Variants in SPECC1 observed in about 807,000 individuals in gnomAD.
SPECC1 encodes the protein sperm antigen with calponin homology and coiled-coil domains 1, also known as cytospin-B.
SPECC1 carries 62 observed loss-of-function variants against 104.1 expected under a neutral mutation model. That is an observed-to-expected ratio of 0.60 (90% CI 0.49 to 0.74). The LOEUF (loss-of-function observed/expected upper bound fraction) is 0.74. Among genes scored for constraint, SPECC1 ranks in the 30% least tolerant of loss-of-function variants. The probability of loss-of-function intolerance (pLI) is 0.00; values close to 1 mark genes in which losing one functional copy is unlikely to be tolerated. For missense variants in SPECC1, 1,306 were observed against 1,310.5 expected (o/e 1.00, Z 0.05); for synonymous variants, 513 against 501.6 (o/e 1.02, Z -0.30).
chr17:20,145,147 G>T (rs551006529), intron 3 of SPECC1, among the ~76,000 whole-genome samples: 1 of 152,198 alleles, frequency 6.6e-6, no homozygotes, highest in African/African-American at 2.4e-5. Flanking sequence ...TGGAGACAAA[G>T]TGGTTTAGTG....
At chr17:20,157,101 G>A (rs2032648782) in intron 3 of SPECC1, among the ~76,000 whole-genome samples, 1 of 152,164 alleles carries the variant, frequency 6.6e-6, no homozygotes, top group Non-Finnish European at 1.5e-5. Context: ...GGCTCTGAGA[G>A]GTGAAGCGAC....
At chr17:20,251,087 C>T (rs1247377715) in intron 9 of SPECC1, among the ~76,000 whole-genome samples, 4 of 151,578 alleles carry the variant, frequency 2.6e-5, no homozygotes, top group South Asian at 2.1e-4. Context: ...ATTAGCTGGG[C>T]GTGGTGGTGC....
At chr17:20,057,522 C>G (rs78119040) in intron 1 of SPECC1, among the ~76,000 whole-genome samples, 117 of 152,264 alleles carry the variant, frequency 7.7e-4, no homozygotes, top group Non-Finnish European at 6.0e-4. Context: ...GAGACAGGGT[C>G]TCTCTCTGTC....
chr17:20,215,848 TAGG>T (rs969012154), intron 4 of SPECC1, among the ~76,000 whole-genome samples: 10 of 152,212 alleles, frequency 6.6e-5, no homozygotes, highest in African/African-American at 9.6e-5. Context: ...CTGCTTTGTG[TAGG>T]AGAAGAGCTT....
At chr17:20,021,691 TATATATA>T (rs1274831058) in intron 1 of SPECC1, among the ~76,000 whole-genome samples, 4,513 of 122,242 alleles carry the variant, frequency 0.037, 203 homozygotes, top group African/African-American at 0.13. Flanking sequence ...ATAATATATA[TATATATA>T]TATATTTTTT....
rs116050806 is a variant in SPECC1, at chr17:20,105,007, G to A, written c.148-5420G>A. Among the ~76,000 whole-genome samples the A allele has an allele frequency of 8.3e-3, 1,262 of 152,086 alleles. 22 individuals are homozygous for A. The highest frequency in any genetic ancestry group is 0.028 in the African/African-American group (1,165 of 41,454). On this transcript the variant is annotated intron_variant, in intron 2 of 14. Transcript: ENST00000395527. ...GCAATGATGATGTTGAAGATGATGAGAGCCTCCAACATTTATGTTCTTAAT... is the reference window on the plus strand; with the variant it reads ...GCAATGATGATGTTGAAGATGATGAAAGCCTCCAACATTTATGTTCTTAAT...
chr17:20,231,769 A>G lies in SPECC1; in HGVS notation c.2083A>G (p.Lys695Glu). Residue 695 changes from lysine to glutamate, a missense_variant, in exon 6 of 15, where the codon AAG (lysine) becomes GAG (glutamate). Physicochemically the swap from Lys to Glu is moderately conservative, Grantham distance 56. Coordinates refer to ENST00000395527, the MANE Select transcript of SPECC1 (RefSeq NM_001243439.2). ...TTATTTATTTCTAGGTAGTGTGATC[A>G]AGCTGGAGGAACAGAAGTCAGACCT... is the stretch of plus-strand genomic sequence containing the variant. The part of the protein sequence containing the change: ...LISELESSVI[K>E]LEEQKSDLER... 6.2e-7 allele frequency: 1 copy of G among 1,614,062 alleles called. No homozygotes were observed. Among genetic ancestry groups the G allele is most frequent in the Non-Finnish European group, 8.5e-7 (1 of 1,179,970 alleles).
intron 1 of SPECC1, among the ~76,000 whole-genome samples, chr17:20,051,069 T>TTTCC (rs1435054781): frequency 2.9e-5 from 1 of 34,564 alleles, no homozygotes; most frequent in Non-Finnish European, 5.8e-5. Context: ...TTTCTTTCTT[T>TTTCC]TTCTTTCTTT....
At chr17:20,193,727 G>A (rs1458202771) in intron 3 of SPECC1, among the ~76,000 whole-genome samples, 1 of 152,166 alleles carries the variant, frequency 6.6e-6, no homozygotes, top group African/African-American at 2.4e-5. Context: ...CAAGAGTAAA[G>A]CAAAATAAGT....
intron 13 of SPECC1, among the ~76,000 whole-genome samples, chr17:20,303,750 C>T (rs908415755): frequency 2.6e-5 from 4 of 152,018 alleles, no homozygotes; most frequent in South Asian, 2.1e-4. Context: ...GTCAGGAGTT[C>T]AAGACCAGCC....
intron 1 of SPECC1, among the ~76,000 whole-genome samples, chr17:20,033,836 A>G (rs2044934534): frequency 2.0e-5 from 3 of 152,036 alleles, no homozygotes; most frequent in Admixed American, 2.0e-4. Flanking sequence ...AACCATTAAC[A>G]CCCTAACAGG....
At chr17:20,152,597 C>T (rs902164568) in intron 3 of SPECC1, among the ~76,000 whole-genome samples, 2 of 152,232 alleles carry the variant, frequency 1.3e-5, no homozygotes, top group Non-Finnish European at 2.9e-5. Context: ...ATGCCACCAT[C>T]TCACTGTGAC....
intron 1 of SPECC1, among the ~76,000 whole-genome samples, chr17:20,066,917 T>TTTC (rs1300337386): frequency 6.8e-6 from 1 of 146,922 alleles, no homozygotes; most frequent in Non-Finnish European, 1.5e-5. Context: ...TCAAATTTTT[T>TTTC]TTTTTTTTTT....
intron 1 of SPECC1, among the ~76,000 whole-genome samples, chr17:20,036,924 A>G (rs1364043467): frequency 6.6e-6 from 1 of 152,194 alleles, no homozygotes; most frequent in African/African-American, 2.4e-5. Context: ...ACCATTAAGT[A>G]TAGGTTAGCT....
At chr17:20,127,516 C>T (rs925269250) in intron 3 of SPECC1, among the ~76,000 whole-genome samples, 1 of 145,024 alleles carries the variant, frequency 6.9e-6, no homozygotes, top group African/African-American at 2.5e-5. Context: ...GACCATAGCT[C>T]ACTGTAGCCT....
At chr17:20,209,708 C>G (rs2037011897) in intron 4 of SPECC1, among the ~76,000 whole-genome samples, 1 of 152,102 alleles carries the variant, frequency 6.6e-6, no homozygotes, top group Non-Finnish European at 1.5e-5. Context: ...CCACAGAACC[C>G]AAAGCCACCA....
intron 3 of SPECC1, among the ~76,000 whole-genome samples, chr17:20,158,102 G>A (rs1026305474): frequency 2.0e-5 from 3 of 152,170 alleles, no homozygotes; most frequent in African/African-American, 7.2e-5. Context: ...AAGATGCGTG[G>A]GTTTTCAGTC....
chr17:20,085,554 G>A (rs769008645), intron 1 of SPECC1, among the ~76,000 whole-genome samples: 1 of 152,200 alleles, frequency 6.6e-6, no homozygotes, highest in Non-Finnish European at 1.5e-5. Context: ...CACAATGCTA[G>A]AAGCGATTGA....
intron 9 of SPECC1, among the ~76,000 whole-genome samples, chr17:20,249,801 C>T (rs1319169439): frequency 2.0e-5 from 3 of 151,844 alleles, no homozygotes; most frequent in Non-Finnish European, 2.9e-5. Flanking sequence ...GAGAAAAGGA[C>T]ATAAGAAACA....
Sources: allele counts gnomAD v4.1 joint callset (sites outside exome capture counted in the v4.1 genomes callset), GRCh38; gene constraint gnomAD v4.1.1; transcripts MANE v1.5; gene names NCBI Gene and HGNC (gene_info 2026-07-23, HGNC 2026-07-21).